SGPL1: variants seen among roughly 807,000 people sequenced by gnomAD.
SGPL1 encodes the protein SP-lyase 1.
SGPL1 carries 37 observed loss-of-function variants against 68.9 expected under a neutral mutation model. The ratio of observed to expected loss-of-function variants is 0.54; its 90% CI spans 0.41 to 0.71. SGPL1 has a LOEUF of 0.71. SGPL1 is among the 30% of genes least tolerant of loss of function. SGPL1 has a pLI of 0.00. For synonymous variants in SGPL1, 236 were observed against 248.5 expected, an observed-to-expected ratio of 0.95 and a Z score of 0.47; for missense variants, 551 against 704.6, an observed-to-expected ratio of 0.78 and a Z score of 2.47.
Position 70,876,581 on chromosome 10 carries a change from G to GT in SGPL1, c.1487dup (p.Ala497SerfsTer20). On this transcript the variant is annotated frameshift_variant, in exon 14 of 15. Coordinates refer to ENST00000373202, the MANE Select transcript of SGPL1 (RefSeq NM_003901.4). LOFTEE classifies it high-confidence loss of function. Reference sequence around the variant, plus strand: ...CACATTACTACACGCCCGGAAACGAGTAGCTATACAATTCCTAAAGGACAT... The same window carrying GT: ...CACATTACTACACGCCCGGAAACGAGTTAGCTATACAATTCCTAAAGGACAT... 1 of 1,612,786 alleles carries GT rather than the reference G, an allele frequency of 6.2e-7. No individual in the cohort carries two copies. Among genetic ancestry groups the GT allele is most frequent in the Non-Finnish European group, 8.5e-7 (1 of 1,178,864 alleles).
At chr10:70,851,717 G>GATA (rs1845885037) in intron 4 of SGPL1, among the ~76,000 whole-genome samples, 1 of 152,172 alleles carries the variant, frequency 6.6e-6, no homozygotes, top group Non-Finnish European at 1.5e-5. Context: ...TTTCTATAAA[G>GATA]GGCTAGATAT....
chr10:70,871,521 A>C (rs1846295535), intron 10 of SGPL1, among the ~76,000 whole-genome samples: 1 of 152,214 alleles, frequency 6.6e-6, no homozygotes, highest in Non-Finnish European at 1.5e-5. Context: ...TGACTGAGGC[A>C]GGACCTTTCC....
intron 2 of SGPL1, among the ~76,000 whole-genome samples, chr10:70,837,494 G>T (rs892372409): frequency 2.0e-5 from 3 of 152,176 alleles, no homozygotes; most frequent in Admixed American, 6.5e-5. Flanking sequence ...AAATCTTTGA[G>T]TTTTAGAGGG....
At chr10:70,874,796 G>C (rs1208549074) in intron 12 of SGPL1, among the ~76,000 whole-genome samples, 2 of 152,148 alleles carry the variant, frequency 1.3e-5, no homozygotes, top group African/African-American at 2.4e-5. Context: ...AGCTACACAG[G>C]AGGCTTAAGG....
intron 7 of SGPL1, among the ~76,000 whole-genome samples, chr10:70,861,132 G>T (rs1846045279): frequency 6.6e-6 from 1 of 150,470 alleles, no homozygotes; most frequent in Non-Finnish European, 1.5e-5. Context: ...AGGAGCCCTG[G>T]TTCATTTAAA....
chr10:70,824,862 G>A (rs1845403446), intron 2 of SGPL1, among the ~76,000 whole-genome samples: 1 of 152,014 alleles, frequency 6.6e-6, no homozygotes. Flanking sequence ...GACTAGTTCT[G>A]TGGAACCTTT....
intron 7 of SGPL1, among the ~76,000 whole-genome samples, chr10:70,864,695 C>G (rs1239775503): frequency 6.6e-6 from 1 of 152,150 alleles, no homozygotes; most frequent in African/African-American, 2.4e-5. Context: ...TACATACTAC[C>G]TTTTCCCCTG....
At chr10:70,835,320 G>A (rs1208041451) in intron 2 of SGPL1, among the ~76,000 whole-genome samples, 1 of 152,164 alleles carries the variant, frequency 6.6e-6, no homozygotes, top group Non-Finnish European at 1.5e-5. Flanking sequence ...TCCCTAACCA[G>A]AGTTGAATTC....
intron 2 of SGPL1, among the ~76,000 whole-genome samples, chr10:70,826,936 A>C (rs1391376382): frequency 6.6e-6 from 1 of 152,166 alleles, no homozygotes; most frequent in African/African-American, 2.4e-5. Flanking sequence ...TTTGACTTAT[A>C]ATTCACATTT....
Position 70,872,130 on chromosome 10 carries a change from C to T in SGPL1, c.1059+144C>T, listed in dbSNP as rs1181174795. ...GTTTTAAACTCTCTCTTTGCCGTCA[C>T]CAGATCAGCTGGTTCAGGTGATGGG... On this transcript the variant is annotated intron_variant, in intron 11 of 14. Coordinates refer to ENST00000373202, the MANE Select transcript of SGPL1 (RefSeq NM_003901.4). 7.3e-6 allele frequency: 6 copies of T among 823,184 alleles called. No individual in the cohort carries two copies. In the Admixed American group the frequency reaches 1.8e-4, roughly 24 times the overall value. The allele number at this position is 823,184 out of a possible 1,614,324, so 51.0% of individuals were successfully genotyped here.
At chr10:70,843,716 GCTGA>G (rs1489300802) in intron 2 of SGPL1, among the ~76,000 whole-genome samples, 12 of 152,250 alleles carry the variant, frequency 7.9e-5, no homozygotes, top group Non-Finnish European at 1.8e-4. Context: ...AGATATGGTT[GCTGA>G]CTGAGAGATT....
Position 70,880,193 on chromosome 10 carries a change from C to T in SGPL1, c.*2858C>T, listed in dbSNP as rs751661600. 1 of 152,520 alleles carries T rather than the reference C, an allele frequency of 6.6e-6. No homozygotes were observed. The highest frequency in any genetic ancestry group is 1.5e-5 in the Non-Finnish European group (1 of 68,036). 9.4% of individuals were successfully genotyped at this position (152,520 alleles called of 1,614,324 possible). Reference sequence around the variant, plus strand: ...GGCAGTGGCCATGCTTGAATGGGCTCCTGGTGAGAGATTGCCCCCTGGTGG... The same window carrying T: ...GGCAGTGGCCATGCTTGAATGGGCTTCTGGTGAGAGATTGCCCCCTGGTGG... On this transcript the variant is annotated 3_prime_UTR_variant, in exon 15 of 15. Transcript: ENST00000373202.
chr10:70,877,359 G>A lies in SGPL1; in HGVS notation c.*24G>A. 1 of 1,613,234 alleles carries A rather than the reference G, an allele frequency of 6.2e-7. No homozygotes were observed. Among genetic ancestry groups the A allele is most frequent in the Middle Eastern group, 1.7e-4 (1 of 6,060 alleles). ...GAACTTGGACCCTTTCTAGTCTCAA[G>A]GGGATTCCAGCCTTCAGAAGGTTCT... On this transcript the variant is annotated 3_prime_UTR_variant, in exon 15 of 15. Transcript: ENST00000373202.
intron 3 of SGPL1, among the ~76,000 whole-genome samples, chr10:70,848,504 A>G: frequency 8.8e-6 from 1 of 114,250 alleles, no homozygotes; most frequent in South Asian, 2.7e-4. Context: ...TTGCTCTGTC[A>G]CCCAGGCTGG....
intron 2 of SGPL1, among the ~76,000 whole-genome samples, chr10:70,828,222 T>A (rs1270583793): frequency 1.3e-5 from 2 of 152,256 alleles, no homozygotes; most frequent in Non-Finnish European, 2.9e-5. Context: ...GATTTAGCTT[T>A]GGGCAGCAAA....
At chr10:70,866,564 C>T (rs993870617) in intron 7 of SGPL1, 4 of 152,168 alleles carry the variant, frequency 2.6e-5, no homozygotes, top group Non-Finnish European at 4.4e-5. Context: ...CTGGACCTTA[C>T]GAAGAGATTG....
intron 12 of SGPL1, among the ~76,000 whole-genome samples, chr10:70,874,362 G>A (rs1846348966): frequency 6.6e-6 from 1 of 152,026 alleles, no homozygotes; most frequent in African/African-American, 2.4e-5. Flanking sequence ...CAAAAGGATC[G>A]CTTCAGCTCA....
At position 70,877,275 on chromosome 10, in the gene SGPL1, G is replaced by T. The variant is rs2131954167; in HGVS notation, c.1647G>T (p.Leu549Phe). 6.2e-7 allele frequency: 1 copy of T among 1,614,152 alleles called. No homozygotes were observed. The highest frequency in any genetic ancestry group is 1.3e-5 in the African/African-American group (1 of 75,052). Reference protein sequence around the residue: ...AELSSVFLDSLYSTDTVTQGS... With the variant: ...AELSSVFLDSFYSTDTVTQGS... ...TGTCCTCAGTCTTCTTGGACAGCTT[G>T]TACAGCACCGACACTGTCACCCAGG... Residue 549 changes from leucine (L) to phenylalanine (F), a missense_variant, in exon 15 of 15, where the codon TTG (leucine) becomes TTT (phenylalanine). Coordinates refer to ENST00000373202, the MANE Select transcript of SGPL1 (RefSeq NM_003901.4).
intron 2 of SGPL1, among the ~76,000 whole-genome samples, chr10:70,841,047 T>C (rs1464676616): frequency 6.6e-6 from 1 of 152,188 alleles, no homozygotes; most frequent in Non-Finnish European, 1.5e-5. Context: ...TTTAACCATC[T>C]GGTTTGACCA....
Sources: allele counts gnomAD v4.1 joint callset (sites outside exome capture counted in the v4.1 genomes callset), GRCh38; gene constraint gnomAD v4.1.1; transcripts MANE v1.5; gene names NCBI Gene and HGNC (gene_info 2026-07-23, HGNC 2026-07-21).